The following SLC25A48 variants were observed in gnomAD, a reference collection of about 807,000 sequenced individuals.
The protein encoded by SLC25A48 is CTC-321K16.1.
A neutral mutation model predicts 32.2 loss-of-function variants in SLC25A48; 29 were observed. That is an observed-to-expected ratio of 0.90 (90% CI 0.67 to 1.23). The LOEUF (loss-of-function observed/expected upper bound fraction) is 1.23. Ranked by LOEUF, SLC25A48 falls within the 50% of genes most tolerant of loss-of-function variation. The probability of loss-of-function intolerance (pLI) is 0.00; values close to 1 mark genes in which losing one functional copy is unlikely to be tolerated. For synonymous variants in SLC25A48, 164 were observed against 172.3 expected (o/e 0.95, Z 0.38); for missense variants, 399 against 422.7 (o/e 0.94, Z 0.49).
chr5:135,641,550 A>G (rs1752838165), intron 3 of SLC25A48, among the ~76,000 whole-genome samples: 1 of 152,178 alleles, frequency 6.6e-6, no homozygotes, highest in Non-Finnish European at 1.5e-5. Flanking sequence ...TTGCTTACAT[A>G]GTCAGTTCTT....
intron 3 of SLC25A48, among the ~76,000 whole-genome samples, chr5:135,687,727 G>T (rs1008292902): frequency 6.6e-6 from 1 of 152,166 alleles, no homozygotes; most frequent in African/African-American, 2.4e-5. Flanking sequence ...GGCTCTTGCA[G>T]AGTGAAATGG....
chr5:135,853,707 T>C (rs947233906), intron 4 of SLC25A48, among the ~76,000 whole-genome samples: 2 of 152,172 alleles, frequency 1.3e-5, no homozygotes, highest in African/African-American at 4.8e-5. Context: ...TCTGTGAGGG[T>C]TGGGGTTAAC....
intron 3 of SLC25A48, among the ~76,000 whole-genome samples, chr5:135,651,121 G>C (rs1257178626): frequency 6.6e-6 from 1 of 152,128 alleles, no homozygotes; most frequent in East Asian, 1.9e-4. Flanking sequence ...TCCCCTTCCT[G>C]GTTCCCATGA....
At chr5:135,823,417 C>T (rs1015363091) in intron 4 of SLC25A48, among the ~76,000 whole-genome samples, 2 of 152,202 alleles carry the variant, frequency 1.3e-5, no homozygotes, top group African/African-American at 2.4e-5. Context: ...CTCCCCAAGA[C>T]GTGACTTCTC....
intron 1 of SLC25A48, among the ~76,000 whole-genome samples, chr5:135,598,362 C>T (rs1751708344): frequency 6.6e-6 from 1 of 152,200 alleles, no homozygotes; most frequent in South Asian, 2.1e-4. Flanking sequence ...ATTGCCTGTG[C>T]CAGGAACTTG....
intron 3 of SLC25A48, among the ~76,000 whole-genome samples, chr5:135,638,415 G>C (rs1233472873): frequency 6.6e-6 from 1 of 152,104 alleles, no homozygotes. Context: ...GTGGGGGAGG[G>C]GAGGCAGCAG....
At chr5:135,636,219 T>TC in intron 3 of SLC25A48, among the ~76,000 whole-genome samples, 1 of 152,174 alleles carries the variant, frequency 6.6e-6, no homozygotes, top group East Asian at 1.9e-4. Flanking sequence ...CAATAAAGCA[T>TC]CTACTTTGTG....
At chr5:135,642,722 A>G (rs997657734) in intron 3 of SLC25A48, among the ~76,000 whole-genome samples, 2 of 152,192 alleles carry the variant, frequency 1.3e-5, no homozygotes. Context: ...ACATGTGTGC[A>G]GGAGTGGTTT....
chr5:135,871,857 C>T (rs545605971), intron 5 of SLC25A48, 139 bp downstream of exon 5: 2 of 1,522,084 alleles, frequency 1.3e-6, no homozygotes, highest in Non-Finnish European at 1.8e-6. Flanking sequence ...TTGTTAGGTA[C>T]CTACTCTGTC....
chr5:135,638,976 CCTT>C (rs1752771533), intron 3 of SLC25A48, among the ~76,000 whole-genome samples: 2 of 152,154 alleles, frequency 1.3e-5, no homozygotes, highest in African/African-American at 2.4e-5. Flanking sequence ...TTTGCTCTCA[CCTT>C]CTTCTTCTAA....
In SLC25A48 at chr5:135,609,761, G is replaced by A. The variant is rs904005387; in HGVS notation, c.-848-19476G>A. 4 of 152,176 alleles carry A rather than the reference G, an allele frequency of 2.6e-5. No individual in the cohort carries two copies. In the South Asian group the frequency reaches 8.3e-4, roughly 32 times the overall value. The allele number at this position is 152,176 out of a possible 1,614,324, so 9.4% of individuals were successfully genotyped here. ...GAAAAAGCAAAGCACAGAACAAGCT[G>A]CATAACTTATTATCATCTATATAAA... On this transcript the variant is annotated intron_variant, in intron 1 of 10. Transcript: ENST00000646290.
chr5:135,762,788 TGA>T (rs971755158), intron 3 of SLC25A48, among the ~76,000 whole-genome samples: 3 of 151,358 alleles, frequency 2.0e-5, no homozygotes, highest in African/African-American at 7.3e-5. Context: ...GATGGGTGTG[TGA>T]GAGCATAGTG....
intron 3 of SLC25A48, among the ~76,000 whole-genome samples, chr5:135,809,317 A>G (rs1350999564): frequency 6.6e-6 from 1 of 152,138 alleles, no homozygotes; most frequent in Non-Finnish European, 1.5e-5. Context: ...AAAAATTGTT[A>G]TAGAATATAG....
chr5:135,624,206 C>G (rs1348301662), intron 1 of SLC25A48, among the ~76,000 whole-genome samples: 1 of 152,174 alleles, frequency 6.6e-6, no homozygotes, highest in African/African-American at 2.4e-5. Flanking sequence ...ATCCTGAGAA[C>G]CTGGGAACCA....
chr5:135,619,139 G>C (rs1447051071), intron 1 of SLC25A48, among the ~76,000 whole-genome samples: 1 of 151,746 alleles, frequency 6.6e-6, no homozygotes, highest in Non-Finnish European at 1.5e-5. Context: ...ATGAATATTT[G>C]GTCACTTTAT....
chr5:135,768,058 C>G (rs910595450), intron 3 of SLC25A48, among the ~76,000 whole-genome samples: 1 of 149,180 alleles, frequency 6.7e-6, no homozygotes, highest in African/African-American at 2.5e-5. Flanking sequence ...TGATATTACT[C>G]CCAATATCGC....
chr5:135,673,465 C>G (rs543879276), intron 3 of SLC25A48, among the ~76,000 whole-genome samples: 2 of 152,212 alleles, frequency 1.3e-5, no homozygotes, highest in Admixed American at 1.3e-4. Context: ...TTGTATTTCT[C>G]TAACAACTAA....
At chr5:135,705,056 G>A (rs1293567133) in intron 3 of SLC25A48, among the ~76,000 whole-genome samples, 3 of 152,234 alleles carry the variant, frequency 2.0e-5, no homozygotes, top group African/African-American at 7.2e-5. Flanking sequence ...CTGGGACAGG[G>A]AGGGATTGGT....
At chr5:135,785,094 A>G (rs1258347195) in intron 3 of SLC25A48, among the ~76,000 whole-genome samples, 1 of 152,162 alleles carries the variant, frequency 6.6e-6, no homozygotes, top group Non-Finnish European at 1.5e-5. Flanking sequence ...TTATACAGAG[A>G]TTGAGAGGAA....
Sources: allele counts gnomAD v4.1 joint callset (sites outside exome capture counted in the v4.1 genomes callset), GRCh38; gene constraint gnomAD v4.1.1; transcripts MANE v1.5; gene names NCBI Gene and HGNC (gene_info 2026-07-23, HGNC 2026-07-21).